Variants in TTC14 observed in about 807,000 individuals in gnomAD.
The protein encoded by TTC14 is tetratricopeptide repeat protein 14.
In TTC14, 63 loss-of-function variants were observed where a neutral mutation model predicts 79.9. The observed-to-expected ratio is 0.79, with a 90% CI of 0.64 to 0.97. TTC14 has a LOEUF of 0.97. TTC14 is among the 50% of genes least tolerant of loss of function. The pLI is 0.00. For synonymous variants in TTC14, 335 were observed against 309.6 expected (o/e 1.08, Z -0.86); for missense variants, 895 against 894.0 (o/e 1.00, Z -0.01).
Position 180,610,378 on chromosome 3 carries a change from A to AATT in TTC14, c.2152_2154dup (p.Tyr718dup), listed in dbSNP as rs769028455. ...TCAAGGAGAATATGAAAGAGAGGAC[A>AATT]ATTATGGGGAGGATATCAAAACAGA... On this transcript the variant is annotated inframe_insertion, in exon 12 of 12. Transcript: ENST00000296015. The AATT allele has an allele frequency of 3.7e-6, 6 of 1,613,680 alleles. No individual in the cohort carries two copies. The highest frequency in any genetic ancestry group is 4.2e-6 in the Non-Finnish European group (5 of 1,179,868).
downstream of TTC14, chr3:180,614,900 T>C (rs370902814): frequency 7.8e-6 from 12 of 1,545,572 alleles, no homozygotes; most frequent in African/African-American, 8.2e-5. Context: ...TTTACAACTT[T>C]TTCAGAAGAG....
chr3:180,605,758 T>C lies in TTC14; in HGVS notation c.858-8T>C. 1.3e-6 allele frequency: 2 copies of C among 1,566,334 alleles called. No individual in the cohort carries two copies. The highest frequency in any genetic ancestry group is 1.4e-5 in the African/African-American group (1 of 70,820). ...GTTTAACTTTTTAATTTTTATTTTC[T>C]TTAATAGCAAAAATTTCTCTGAAGA... On this transcript the variant is annotated splice_region_variant and splice_polypyrimidine_tract_variant and intron_variant, in intron 6 of 11. Coordinates refer to ENST00000296015, the MANE Select transcript of TTC14 (RefSeq NM_133462.4).
In TTC14 at chr3:180,602,267, C is replaced by G; in HGVS notation, c.6C>G (p.Asp2Glu). The change falls in exon 1 of 12, where the codon GAC becomes GAG. Residue 2 changes from aspartate to glutamate, a missense_variant. Asp to Glu is a conservative substitution (Grantham distance 45). Coordinates refer to ENST00000296015, the MANE Select transcript of TTC14 (RefSeq NM_133462.4). The stretch of plus-strand genomic sequence containing the variant: ...GGGCCCTGCATTCTCTAGCCATGGA[C>G]CGGGACCTTTTGCGGCAGTCGCTAA... M[D>E]RDLLRQSLNC... 1 of 1,613,918 alleles carries G rather than the reference C, an allele frequency of 6.2e-7. No homozygotes were observed. The highest frequency in any genetic ancestry group is 8.5e-7 in the Non-Finnish European group (1 of 1,179,966).
In TTC14 at chr3:180,604,746, G is replaced by A; in HGVS notation, c.702-106G>A. The A allele has an allele frequency of 2.8e-6, 4 of 1,417,322 alleles. No homozygotes were observed. The South Asian group carries it at 4.2e-5, about 15-fold the overall frequency. The allele number at this position is 1,417,322 out of a possible 1,614,324, so 87.8% of individuals were successfully genotyped here. A position where few individuals can be genotyped will look rare whatever the true frequency, so the allele number is the denominator to read the frequency against. Reference sequence around the variant, plus strand: ...TCATAATATTGCCACACCATCTTATGCAAAAAATGGAATTAGTATTTAAAC... The same window carrying A: ...TCATAATATTGCCACACCATCTTATACAAAAAATGGAATTAGTATTTAAAC... On this transcript the variant is annotated intron_variant, in intron 5 of 11. Coordinates refer to ENST00000296015, the MANE Select transcript of TTC14 (RefSeq NM_133462.4).
Position 180,603,142 on chromosome 3 carries a change from C to T in TTC14, c.305C>T (p.Pro102Leu), listed in dbSNP as rs754209613. The T allele has an allele frequency of 6.2e-7, 1 of 1,613,204 alleles. No homozygotes were observed. ...EDSEDHYAIM[P>L]PLEQFMEIPS... ...TTTTTAGATCATTATGCAATCATGCCACCTTTAGAGCAATTCATGGAGATA... is the reference window on the plus strand; with the variant it reads ...TTTTTAGATCATTATGCAATCATGCTACCTTTAGAGCAATTCATGGAGATA... The change falls in exon 3 of 12, where the codon CCA becomes CTA. Residue 102 changes from proline to leucine, a missense_variant. By Grantham distance (98) the Pro-to-Leu change is moderately conservative. Transcript: ENST00000296015.
In TTC14 at chr3:180,616,617, G is replaced by A. The variant is rs781020567; in HGVS notation, c.1775-763G>A. 5.6e-5 allele frequency: 90 copies of A among 1,594,166 alleles called. No individual in the cohort carries two copies. The highest frequency in any genetic ancestry group is 7.1e-5 in the Non-Finnish European group (83 of 1,170,350). On this transcript the variant is annotated intron_variant, in intron 12 of 12. Transcript: ENST00000382584. ...ACTTTGTGAAACTGTTTCATTTCAC[G>A]AAGTTTGATGTCTTGTTCTTCCATT...
Position 180,610,200 on chromosome 3 carries a change from C to T in TTC14, c.1971C>T (p.His657=). 2 of 1,613,818 alleles carry T rather than the reference C, an allele frequency of 1.2e-6. No individual in the cohort carries two copies. Among genetic ancestry groups the T allele is most frequent in the Non-Finnish European group, 1.7e-6 (2 of 1,179,898 alleles). The change falls in exon 12 of 12, where the codon CAC becomes CAT. Residue 657 remains histidine, a synonymous_variant. Coordinates refer to ENST00000296015, the MANE Select transcript of TTC14 (RefSeq NM_133462.4). ...AGGATATAGAGGGAAGAAAAGAGCA[C>T]TATAGAAGGTGGGAACCAGGTTCTG... The part of the protein sequence containing the change: ...FEKDIEGRKE[H]YRRWEPGSVR...
downstream of TTC14, among the ~76,000 whole-genome samples, chr3:180,612,517 C>G (rs1717067902): frequency 6.6e-6 from 1 of 152,164 alleles, no homozygotes; most frequent in Non-Finnish European, 1.5e-5. Flanking sequence ...CCTGTAATCC[C>G]AGCACTTGAG....
Position 180,604,664 on chromosome 3 carries a change from G to GAAT in TTC14, c.701+59_701+61dup, listed in dbSNP as rs367649284. 7 of 1,532,806 alleles carry GAAT rather than the reference G, an allele frequency of 4.6e-6. No individual in the cohort carries two copies. In the African/African-American group the frequency reaches 9.7e-5, roughly 21 times the overall value. The allele number at this position is 1,532,806 out of a possible 1,614,324, so 95.0% of individuals were successfully genotyped here. ...CATTACAAAAGTCTCTTGGATTGAG[G>GAAT]AATACCACATTTTTATAACGGTTAA... is the stretch of plus-strand genomic sequence containing the variant. On this transcript the variant is annotated intron_variant, in intron 5 of 11. Transcript: ENST00000296015.
downstream of TTC14, among the ~76,000 whole-genome samples, chr3:180,613,482 T>C (rs1423643154): frequency 6.6e-6 from 1 of 152,174 alleles, no homozygotes; most frequent in African/African-American, 2.4e-5. Flanking sequence ...GGCAACTCAG[T>C]AAGTAGAAGT....
At chr3:180,612,789 C>G (rs1717079308), downstream of TTC14, among the ~76,000 whole-genome samples, 2 of 152,072 alleles carry the variant, frequency 1.3e-5, no homozygotes, top group Non-Finnish European at 2.9e-5. Context: ...TCTTGCACAG[C>G]AAAAGAAATA....
rs756833620 is a variant in TTC14, at chr3:180,610,354, CAAG to C, written c.2126_2128del (p.Gln709_Gly710delinsArg). 2 of 1,612,884 alleles carry C rather than the reference CAAG, an allele frequency of 1.2e-6. No individual in the cohort carries two copies. The highest frequency in any genetic ancestry group is 2.2e-5 in the East Asian group (1 of 44,846). On this transcript the variant is annotated inframe_deletion, in exon 12 of 12. Transcript: ENST00000296015. Reference sequence around the variant, plus strand: ...GCAAAGATACCGTTTAAATACAAATCAAGGAGAATATGAAAGAGAGGACAATTA... The same window carrying C: ...GCAAAGATACCGTTTAAATACAAATCGAGAATATGAAAGAGAGGACAATTA...
chr3:180,609,449 AT>A (rs1050250261), intron 11 of TTC14, 180 bp from the exon 12 acceptor site: 33 of 1,294,914 alleles, frequency 2.5e-5, no homozygotes, highest in East Asian at 1.2e-4. Flanking sequence ...GTCTGCAAGC[AT>A]TTTTTCCCCC....
At chr3:180,603,430 T>A (rs1003579291) in intron 3 of TTC14, 107 bp downstream of exon 3, 1 of 964,674 alleles carries the variant, frequency 1.0e-6, no homozygotes, top group African/African-American at 1.6e-5. Flanking sequence ...GCCAAGATGC[T>A]TTTGGAAATT....
intron 6 of TTC14, 143 bp downstream of exon 6, chr3:180,605,150 CATCTT>C: frequency 1.4e-6 from 1 of 692,176 alleles, no homozygotes; most frequent in Non-Finnish European, 2.3e-6. Flanking sequence ...CAGGTGATCC[CATCTT>C]CTGGACTGGA....
rs938110491 is a variant in TTC14, at chr3:180,609,738, G to A, written c.1509G>A (p.Lys503=). Residue 503 remains lysine (K), a synonymous_variant, in exon 12 of 12, where the codon AAG becomes AAA. Coordinates refer to ENST00000296015, the MANE Select transcript of TTC14 (RefSeq NM_133462.4). ...CCTCTTCTGGTCACAAAAGGCATAA[G>A]AAACATAAGAGGAACCGTTCAGAGT... ...SSSSSGHKRH[K]KHKRNRSESS... 9 of 1,613,678 alleles carry A rather than the reference G, an allele frequency of 5.6e-6. No homozygotes were observed. The highest frequency in any genetic ancestry group is 1.7e-5 in the Admixed American group (1 of 59,952).
rs1716474578 is a variant in TTC14 at position 180,603,169 on chromosome 3, C to A, written c.332C>A (p.Pro111His). 6.2e-7 allele frequency: 1 copy of A among 1,613,674 alleles called. No homozygotes were observed. Among genetic ancestry groups the A allele is most frequent in the Admixed American group, 1.7e-5 (1 of 59,986 alleles). ...MPPLEQFMEIPSMDRRELFFR... is the reference protein window; with the variant it reads ...MPPLEQFMEIHSMDRRELFFR... Reference sequence around the variant, plus strand: ...CCTTTAGAGCAATTCATGGAGATACCTAGTATGGATCGGAGAGAGCTGTTT... The same window carrying A: ...CCTTTAGAGCAATTCATGGAGATACATAGTATGGATCGGAGAGAGCTGTTT... Residue 111 changes from proline (P) to histidine (H), a missense_variant, in exon 3 of 12, where the codon CCT (proline) becomes CAT (histidine). Transcript: ENST00000296015.
chr3:180,606,403 T>C, intron 8 of TTC14, 31 bp downstream of exon 8: 3 of 1,613,668 alleles, frequency 1.9e-6, no homozygotes, highest in Non-Finnish European at 2.5e-6. Flanking sequence ...TTTTAAGGAA[T>C]GTTTACCAGG....
At chr3:180,602,761 T>C (rs1335105381) in intron 1 of TTC14, 130 bp from the exon 2 acceptor site, 2 of 1,154,896 alleles carry the variant, frequency 1.7e-6, no homozygotes, top group Non-Finnish European at 2.4e-6. Flanking sequence ...GTTAAAACTT[T>C]TTGTCTGAGG....
Sources: allele counts gnomAD v4.1 joint callset (sites outside exome capture counted in the v4.1 genomes callset), GRCh38; gene constraint gnomAD v4.1.1; transcripts MANE v1.5; gene names NCBI Gene and HGNC (gene_info 2026-07-23, HGNC 2026-07-21).